The following COL11A1 variants were observed in gnomAD, a reference collection of about 807,000 sequenced individuals.
COL11A1 encodes the protein collagen alpha-1(XI) chain.
A neutral mutation model predicts 265.2 loss-of-function variants in COL11A1; 74 were observed. That is an observed-to-expected ratio of 0.28 (90% confidence interval 0.23 to 0.34). The LOEUF (loss-of-function observed/expected upper bound fraction) is 0.34. Ranked by LOEUF, COL11A1 falls within the 10% of genes least tolerant of loss-of-function variation. The pLI is 1.00. For missense variants in COL11A1, 2,165 were observed against 2,263.6 expected (o/e 0.96, Z 0.88); for synonymous variants, 816 against 727.6 (o/e 1.12, Z -1.96).
intron 31 of COL11A1, among the ~76,000 whole-genome samples, chr1:102,983,891 A>G (rs1052329506): frequency 4.6e-5 from 7 of 152,202 alleles, no homozygotes; most frequent in African/African-American, 1.4e-4. Context: ...TCTTGTTCCA[A>G]TTACAAAGAA....
chr1:102,897,345 A>G (rs1260937939), intron 57 of COL11A1, among the ~76,000 whole-genome samples: 1 of 151,920 alleles, frequency 6.6e-6, no homozygotes, highest in Non-Finnish European at 1.5e-5. Context: ...CACCACACAT[A>G]CGAGTGCTAT....
chr1:102,956,531 G>A (rs1034196164), intron 41 of COL11A1, among the ~76,000 whole-genome samples: 1 of 151,972 alleles, frequency 6.6e-6, no homozygotes, highest in African/African-American at 2.4e-5. Flanking sequence ...AGGTAAGCAA[G>A]GAAAACAGGT....
intron 28 of COL11A1, among the ~76,000 whole-genome samples, chr1:102,991,440 C>CATGTGATCT (rs1553228551): frequency 1.3e-5 from 2 of 151,008 alleles, no homozygotes; most frequent in East Asian, 2.0e-4. Context: ...CTCCCTTCAC[C>CATGTGATCT]ACGTGATCTA....
intron 1 of COL11A1, among the ~76,000 whole-genome samples, chr1:103,090,894 C>T (rs1673265633): frequency 6.6e-6 from 1 of 152,070 alleles, no homozygotes. Flanking sequence ...CTCTAAATGT[C>T]CATTCAAAAT....
chr1:102,997,067 C>G lies in COL11A1; in HGVS notation c.2241+13G>C. On this transcript the variant is annotated intron_variant, in intron 26 of 66. Coordinates refer to ENST00000370096, the MANE Select transcript of COL11A1 (RefSeq NM_001854.4). ...TATTAATAGGACATTTAAATGGATA[C>G]TTTGGAACCTACCAGAGCCCCCTTT... is the stretch of plus-strand genomic sequence containing the variant. 1 of 1,610,690 alleles carries G rather than the reference C, an allele frequency of 6.2e-7. No individual in the cohort carries two copies.
intron 20 of COL11A1, 34 bp from the exon 21 acceptor site, chr1:103,003,302 A>T: frequency 6.4e-7 from 1 of 1,555,120 alleles, no homozygotes; most frequent in Non-Finnish European, 8.8e-7. Context: ...CCTTTATTAA[A>T]AAAAAAAAAT....
At chr1:102,891,257 T>C (rs1363742260) in intron 57 of COL11A1, among the ~76,000 whole-genome samples, 1 of 152,140 alleles carries the variant, frequency 6.6e-6, no homozygotes, top group Admixed American at 6.5e-5. Flanking sequence ...ATGAAGAAGT[T>C]AGAGATCATG....
chr1:103,088,936 A>G lies in COL11A1; in HGVS notation c.107-5964T>C, dbSNP rs1216891880. 2.0e-5 allele frequency among the ~76,000 whole-genome samples: 3 copies of G among 152,218 alleles called. No individual in the cohort carries two copies. The East Asian group carries it at 5.8e-4, about 29-fold the overall frequency. Reference sequence around the variant, plus strand: ...ATATCTTCATCATGCATTCACTGCCACAAACTCCAAGAGCCATCTCCAATA... The same window carrying G: ...ATATCTTCATCATGCATTCACTGCCGCAAACTCCAAGAGCCATCTCCAATA... On this transcript the variant is annotated intron_variant, in intron 1 of 66. Coordinates refer to ENST00000370096, the MANE Select transcript of COL11A1 (RefSeq NM_001854.4).
At chr1:103,013,720 T>C (rs971874588) in intron 13 of COL11A1, among the ~76,000 whole-genome samples, 2 of 151,926 alleles carry the variant, frequency 1.3e-5, no homozygotes, top group Admixed American at 1.3e-4. Context: ...AAAAATTTTA[T>C]CACAGAAGTG....
intron 1 of COL11A1, among the ~76,000 whole-genome samples, chr1:103,095,851 T>C (rs758163282): frequency 1.3e-5 from 2 of 152,030 alleles, no homozygotes; most frequent in Non-Finnish European, 2.9e-5. Context: ...AACTCTGTAT[T>C]ATATAAAAGC....
chr1:102,969,361 C>G (rs1570901789), intron 37 of COL11A1, among the ~76,000 whole-genome samples: 1 of 152,202 alleles, frequency 6.6e-6, no homozygotes, highest in African/African-American at 2.4e-5. Context: ...CCTACCCTAA[C>G]ATGATTTTCA....
chr1:102,979,400 A>G lies in COL11A1; in HGVS notation c.2592T>C (p.Asn864=). Residue 864 remains asparagine, a synonymous_variant, in exon 32 of 67, where the codon AAT becomes AAC. Coordinates refer to ENST00000370096, the MANE Select transcript of COL11A1 (RefSeq NM_001854.4). Reference sequence around the variant, plus strand: ...ATCATACCCGTGCACCTTTCTCTCCATTGGCACCTGGAAACCCAGGGAATC... The same window carrying G: ...ATCATACCCGTGCACCTTTCTCTCCGTTGGCACCTGGAAACCCAGGGAATC... ...STGFPGFPGA[N]GEKGARGVAG... is the part of the protein sequence containing the mutation. 2.5e-6 allele frequency: 4 copies of G among 1,610,456 alleles called. No homozygotes were observed. Among genetic ancestry groups the G allele is most frequent in the Non-Finnish European group, 3.4e-6 (4 of 1,176,778 alleles).
At chr1:103,048,754 C>G (rs917934011) in intron 4 of COL11A1, among the ~76,000 whole-genome samples, 23 of 152,274 alleles carry the variant, frequency 1.5e-4, no homozygotes, top group African/African-American at 5.5e-4. Flanking sequence ...AAATTTCCCT[C>G]TACACACTGC....
At chr1:102,949,792 G>T (rs1292825599) in intron 41 of COL11A1, among the ~76,000 whole-genome samples, 1 of 151,988 alleles carries the variant, frequency 6.6e-6, no homozygotes, top group Admixed American at 6.6e-5. Context: ...CAACTCATGG[G>T]TACAATGAAT....
intron 4 of COL11A1, among the ~76,000 whole-genome samples, chr1:103,032,672 G>C (rs1474336601): frequency 6.6e-6 from 1 of 152,014 alleles, no homozygotes; most frequent in African/African-American, 2.4e-5. Flanking sequence ...AGTAAATACT[G>C]TGGTTACTAC....
chr1:103,095,330 T>C lies in COL11A1; in HGVS notation c.107-12358A>G, dbSNP rs77986447. Among the ~76,000 whole-genome samples, 186 of 152,118 alleles carry C rather than the reference T, an allele frequency of 1.2e-3. No individual in the cohort carries two copies. The East Asian group carries it at 0.012, about 10-fold the overall frequency. On this transcript the variant is annotated intron_variant, in intron 1 of 66. Transcript: ENST00000370096. ...CTCAGTATCTTTAAATGCACCATCA[T>C]TTTCTATATGAAAAATATTTGATTA...
intron 4 of COL11A1, among the ~76,000 whole-genome samples, chr1:103,054,668 G>A (rs1401515194): frequency 6.6e-6 from 1 of 152,038 alleles, no homozygotes; most frequent in Non-Finnish European, 1.5e-5. Context: ...TTGGGAGGCC[G>A]AGGTGGATGG....
In COL11A1 at chr1:102,962,640, A is replaced by G. The variant is rs201141572; in HGVS notation, c.3024+13T>C. On this transcript the variant is annotated intron_variant, in intron 39 of 66. Transcript: ENST00000370096. ...GTTTTGGGCCAAAAAAAGTTTTCTG[A>G]AGCATGTTGTACCTTTGCACCTTCT... The G allele has an allele frequency of 3.3e-4, 527 of 1,613,752 alleles. 3 individuals are homozygous for G. The African/African-American group carries it at 5.9e-3, about 18-fold the overall frequency.
rs780750875 is a variant in COL11A1, at chr1:102,962,757, G to A, written c.2920C>T (p.Pro974Ser). Reference protein sequence around the residue: ...GPGGVVGPQGPTGETGPIGER... With the variant: ...GPGGVVGPQGSTGETGPIGER... The stretch of plus-strand genomic sequence containing the variant: ...CCTATTGGACCAGTCTCACCGGTTG[G>A]TCCCTAAATTAGATAAGCAAAATCA... Residue 974 changes from proline (P) to serine (S), a missense_variant, in exon 39 of 67, where the codon CCA (proline) becomes TCA (serine). Coordinates refer to ENST00000370096, the MANE Select transcript of COL11A1 (RefSeq NM_001854.4). 1 of 1,613,954 alleles carries A rather than the reference G, an allele frequency of 6.2e-7. No homozygotes were observed. The highest frequency in any genetic ancestry group is 8.5e-7 in the Non-Finnish European group (1 of 1,179,906).
Sources: gnomAD v4.1 joint callset for allele counts (sites outside exome capture counted in the v4.1 genomes callset) on GRCh38, gnomAD v4.1.1 for gene constraint, MANE v1.5 for transcripts, NCBI Gene and HGNC (gene_info 2026-07-23, HGNC 2026-07-21) for gene names.